SATB2: variants seen among roughly 807,000 people sequenced by gnomAD.
The protein encoded by SATB2 is DNA-binding protein SATB2.
In SATB2, 1 loss-of-function variant was observed where a neutral mutation model predicts 73.4. The observed-to-expected ratio is 0.01, with a 90% CI of 0.00 to 0.06. The LOEUF is 0.06. Among genes scored for constraint, SATB2 ranks in the 10% least tolerant of loss-of-function variants. The pLI, the probability that SATB2 is intolerant of heterozygous loss-of-function variation, is 1.00. For synonymous variants in SATB2, 397 were observed against 367.0 expected (o/e 1.08, Z -0.93); for missense variants, 459 against 945.8 (o/e 0.49, Z 6.75).
At chr2:199,389,087 C>T (rs1461445628) in intron 3 of SATB2, among the ~76,000 whole-genome samples, 1 of 152,012 alleles carries the variant, frequency 6.6e-6, no homozygotes, top group Admixed American at 6.5e-5. Context: ...TAACCTGTGG[C>T]CTGACTGTGG....
intron 7 of SATB2, among the ~76,000 whole-genome samples, chr2:199,339,412 A>G (rs1438581081): frequency 6.6e-6 from 1 of 152,222 alleles, no homozygotes; most frequent in Non-Finnish European, 1.5e-5. Flanking sequence ...TGAAGCAACC[A>G]GGGCCATCTC....
intron 3 of SATB2, among the ~76,000 whole-genome samples, chr2:199,387,875 T>C (rs1281037138): frequency 6.6e-6 from 1 of 152,200 alleles, no homozygotes; most frequent in Non-Finnish European, 1.5e-5. Context: ...TGGAAACCAG[T>C]TTTTTATTTT....
intron 5 of SATB2, 169 bp from the exon 6 acceptor site, chr2:199,368,876 TC>T: frequency 1.8e-6 from 1 of 546,458 alleles, no homozygotes; most frequent in East Asian, 3.2e-5. Context: ...GAATTTACCA[TC>T]CCTTTAATTT....
upstream of SATB2, among the ~76,000 whole-genome samples, chr2:199,465,681 G>C (rs563956022): frequency 6.6e-6 from 1 of 152,258 alleles, no homozygotes; most frequent in African/African-American, 2.4e-5. Context: ...AAATATAAAG[G>C]CAATCTAAGA....
chr2:199,382,374 T>C (rs916914146), intron 3 of SATB2, among the ~76,000 whole-genome samples: 1 of 152,168 alleles, frequency 6.6e-6, no homozygotes, highest in Non-Finnish European at 1.5e-5. Flanking sequence ...CCAGGCCAAA[T>C]GCAATACCAC....
intron 3 of SATB2, among the ~76,000 whole-genome samples, chr2:199,416,201 A>C (rs945200830): frequency 6.6e-6 from 1 of 152,212 alleles, no homozygotes; most frequent in African/African-American, 2.4e-5. Flanking sequence ...TTTGTTTATG[A>C]TCTAGTGGAT....
intron 7 of SATB2, chr2:199,329,428 C>T (rs1294376239): frequency 1.6e-5 from 2 of 126,048 alleles, no homozygotes; most frequent in African/African-American, 5.8e-5. Flanking sequence ...ATTTCTTATG[C>T]AAAAAAAAAA....
Position 199,418,297 on chromosome 2 carries a change from G to A in SATB2, c.346+15041C>T, listed in dbSNP as rs910205007. The stretch of plus-strand genomic sequence containing the variant: ...TCAGAGTCCACAACGCCTAACCACT[G>A]CACTATACTACAATGCCCTCAGTCA... On this transcript the variant is annotated intron_variant, in intron 3 of 10. Coordinates refer to ENST00000417098, the MANE Select transcript of SATB2 (RefSeq NM_001172509.2). Among the ~76,000 whole-genome samples, 7 of 152,232 alleles carry A rather than the reference G, an allele frequency of 4.6e-5. No homozygotes were observed. The South Asian group carries it at 1.2e-3, about 27-fold the overall frequency.
chr2:199,292,536 A>G (rs994074928), intron 10 of SATB2, among the ~76,000 whole-genome samples: 1 of 152,232 alleles, frequency 6.6e-6, no homozygotes, highest in African/African-American at 2.4e-5. Context: ...AAAAATATGC[A>G]GATAATAAAT....
In SATB2 at chr2:199,323,943, G is replaced by T. The variant is rs770212471; in HGVS notation, c.1402C>A (p.Pro468Thr). 11 of 1,613,364 alleles carry T rather than the reference G, an allele frequency of 6.8e-6. No homozygotes were observed. Among genetic ancestry groups the T allele is most frequent in the Admixed American group, 1.7e-5 (1 of 59,946 alleles). Residue 468 changes from proline (P) to threonine (T), a missense_variant, in exon 9 of 11, where the codon CCG (proline) becomes ACG (threonine). Transcript: ENST00000417098. ...ACCTTAATAGGGAGGTCTGTTGTCG[G>T]TGTCGAGGTTTTGGCCTACCAAGAG... The part of the protein sequence containing the change: ...SRTPQAKTST[P>T]TTDLPIKVDG...
intron 3 of SATB2, among the ~76,000 whole-genome samples, chr2:199,400,270 A>G (rs1690431891): frequency 6.6e-6 from 1 of 152,244 alleles, no homozygotes; most frequent in Non-Finnish European, 1.5e-5. Context: ...TTGTTGCTCT[A>G]GCACTGAACT....
upstream of SATB2, among the ~76,000 whole-genome samples, chr2:199,468,536 G>A (rs1288697159): frequency 1.3e-5 from 2 of 152,218 alleles, no homozygotes; most frequent in African/African-American, 4.8e-5. Context: ...TGTGCATCAG[G>A]AGTGGGGAGT....
chr2:199,301,714 G>A lies in SATB2; in HGVS notation c.1740+7046C>T, dbSNP rs562652547. Among the ~76,000 whole-genome samples, 9 of 152,276 alleles carry A rather than the reference G, an allele frequency of 5.9e-5. No individual in the cohort carries two copies. The East Asian group carries it at 1.7e-3, about 29-fold the overall frequency. ...GGTAAAAAGTCATGAGGTAGAGCAC[G>A]AACCGTGGGCAGGCCAAGGTGTGGA... On this transcript the variant is annotated intron_variant, in intron 10 of 10. Coordinates refer to ENST00000417098, the MANE Select transcript of SATB2 (RefSeq NM_001172509.2).
At chr2:199,403,518 T>G (rs1162236250) in intron 3 of SATB2, among the ~76,000 whole-genome samples, 2 of 152,168 alleles carry the variant, frequency 1.3e-5, no homozygotes, top group East Asian at 3.8e-4. Context: ...AGGGGGAATT[T>G]TATTTTATCC....
At position 199,275,939 on chromosome 2, in the gene SATB2, A is replaced by C. The variant is rs567429208; in HGVS notation, c.1741-3267T>G. 3.3e-4 allele frequency among the ~76,000 whole-genome samples: 51 copies of C among 152,298 alleles called. 1 individual carries two copies. Among genetic ancestry groups the C allele is most frequent in the Admixed American group, 9.8e-4 (15 of 15,296 alleles). ...TAAGTCCCTTTCAACCGCAATATAC[A>C]TAATATCTGAGATTAAAAGATTCCC... On this transcript the variant is annotated intron_variant, in intron 10 of 10. Transcript: ENST00000417098.
rs1308422442 is a variant in SATB2 at position 199,416,146 on chromosome 2, GTTATTTCCATACAGGTGTGGTTCTA to G, written c.346+17167_346+17191del. 3.9e-5 allele frequency among the ~76,000 whole-genome samples: 6 copies of G among 152,314 alleles called. No homozygotes were observed. The South Asian group carries it at 6.2e-4, about 16-fold the overall frequency. ...TATATTTCTATTTTAGAGTGTTACA[GTTATTTCCATACAGGTGTGGTTCTA>G]TTATACCAAAGGAGGTTATTTTGTT... is the stretch of plus-strand genomic sequence containing the variant. On this transcript the variant is annotated intron_variant, in intron 3 of 10. Coordinates refer to ENST00000417098, the MANE Select transcript of SATB2 (RefSeq NM_001172509.2).
chr2:199,446,752 A>T (rs1057228469), intron 2 of SATB2, among the ~76,000 whole-genome samples: 11 of 152,294 alleles, frequency 7.2e-5, no homozygotes, highest in African/African-American at 1.9e-4. Context: ...TAACTTTTTT[A>T]AAAAAGCTTT....
intron 5 of SATB2, among the ~76,000 whole-genome samples, chr2:199,376,917 C>T (rs374787304): frequency 2.0e-5 from 3 of 152,242 alleles, no homozygotes; most frequent in East Asian, 3.9e-4. Context: ...CATGCAAAAG[C>T]AAGCAAGTGT....
At chr2:199,402,114 C>T (rs926145165) in intron 3 of SATB2, among the ~76,000 whole-genome samples, 21 of 152,050 alleles carry the variant, frequency 1.4e-4, no homozygotes, top group Non-Finnish European at 2.5e-4. Context: ...TGGCTGGGCA[C>T]GGTGGCTCAC....
Sources: allele counts gnomAD v4.1 joint callset (sites outside exome capture counted in the v4.1 genomes callset), GRCh38; gene constraint gnomAD v4.1.1; transcripts MANE v1.5; gene names NCBI Gene and HGNC (gene_info 2026-07-23, HGNC 2026-07-21).